The following BTRC variants were observed in gnomAD, a reference collection of about 807,000 sequenced individuals.
The protein encoded by BTRC is beta-transducin repeat containing E3 ubiquitin protein ligase.
A neutral mutation model predicts 85.5 loss-of-function variants in BTRC; 42 were observed. The observed-to-expected ratio is 0.49, with a 90% CI of 0.38 to 0.64. BTRC has a LOEUF of 0.64. BTRC is among the 30% of genes least tolerant of loss of function. The pLI, the probability that BTRC is intolerant of heterozygous loss-of-function variation, is 0.00. For missense variants in BTRC, 594 were observed against 743.5 expected, an observed-to-expected ratio of 0.80 and a Z score of 2.34; for synonymous variants, 255 against 263.3, an observed-to-expected ratio of 0.97 and a Z score of 0.30.
chr10:101,505,125 A>G (rs1946489637), intron 4 of BTRC, among the ~76,000 whole-genome samples: 1 of 5,366 alleles, frequency 1.9e-4, no homozygotes, highest in African/African-American at 2.5e-4. Context: ...ATATATATAT[A>G]TGTGTATATA....
intron 3 of BTRC, among the ~76,000 whole-genome samples, chr10:101,478,721 CAG>C (rs1945756100): frequency 6.7e-6 from 1 of 149,110 alleles, no homozygotes; most frequent in Non-Finnish European, 1.5e-5. Flanking sequence ...GCATAGATTG[CAG>C]AGAGCCAAGA....
intron 1 of BTRC, among the ~76,000 whole-genome samples, chr10:101,375,737 A>G (rs1161949107): frequency 6.6e-6 from 1 of 152,238 alleles, no homozygotes; most frequent in Non-Finnish European, 1.5e-5. Context: ...TTTACCCTGT[A>G]TAGGAATTAT....
intron 1 of BTRC, among the ~76,000 whole-genome samples, chr10:101,396,558 G>A (rs544281352): frequency 1.3e-5 from 2 of 151,720 alleles, no homozygotes; most frequent in African/African-American, 4.8e-5. Context: ...GTTGGATTAC[G>A]ACAGCAAAAT....
Position 101,366,851 on chromosome 10 carries a change from AAT to A in BTRC, c.48+12630_48+12631del, listed in dbSNP as rs1418355459. On this transcript the variant is annotated intron_variant, in intron 1 of 14. Transcript: ENST00000370187. The stretch of plus-strand genomic sequence containing the variant: ...ATATTTATATATATTTATGTATATT[AAT>A]ATATATTTATATATTAATATATATT... Among the ~76,000 whole-genome samples, 13 of 25,626 alleles carry A rather than the reference AAT, an allele frequency of 5.1e-4. 1 individual carries two copies. Among genetic ancestry groups the A allele is most frequent in the African/African-American group, 2.5e-3 (13 of 5,198 alleles). The allele number at this position is 25,626 out of a possible 152,430, so 16.8% of individuals were successfully genotyped here. A position where few individuals can be genotyped will look rare whatever the true frequency, so the allele number is the denominator to read the frequency against.
rs2062108112 is a variant in BTRC, at chr10:101,521,672, G to A, written c.358G>A (p.Val120Met). 2 of 1,614,074 alleles carry A rather than the reference G, an allele frequency of 1.2e-6. No individual in the cohort carries two copies. Among genetic ancestry groups the A allele is most frequent in the South Asian group, 1.1e-5 (1 of 91,068 alleles). The change falls in exon 5 of 15, where the codon GTG (valine) becomes ATG (methionine). Residue 120 changes from valine to methionine, a missense_variant. Transcript: ENST00000370187. ...TGCCAATGGCACTTCCAGTATGATTGTGCCCAAGCAACGGAAACTCTCAGC... is the reference window on the plus strand; with the variant it reads ...TGCCAATGGCACTTCCAGTATGATTATGCCCAAGCAACGGAAACTCTCAGC... ...KLANGTSSMI[V>M]PKQRKLSASY...
intron 4 of BTRC, among the ~76,000 whole-genome samples, chr10:101,505,481 G>A (rs1268376081): frequency 9.2e-5 from 14 of 151,552 alleles, no homozygotes; most frequent in Admixed American, 3.3e-4. Context: ...TTAGCCGGGC[G>A]TGGTGGCAGG....
At chr10:101,459,742 T>G (rs769388588) in intron 2 of BTRC, among the ~76,000 whole-genome samples, 1 of 152,196 alleles carries the variant, frequency 6.6e-6, no homozygotes, top group Non-Finnish European at 1.5e-5. Context: ...TTTTCATTCT[T>G]TAGACATTTT....
At chr10:101,523,206 AAAATAAATAAAT>A (rs527889719) in intron 5 of BTRC, among the ~76,000 whole-genome samples, 8 of 152,172 alleles carry the variant, frequency 5.3e-5, no homozygotes, top group Admixed American at 5.2e-4. Context: ...TCCATCTCAG[AAAATAAATAAAT>A]AAATAAATAG....
At chr10:101,425,456 A>G (rs1203077863) in intron 1 of BTRC, among the ~76,000 whole-genome samples, 3 of 152,126 alleles carry the variant, frequency 2.0e-5, no homozygotes, top group East Asian at 1.9e-4. Context: ...AGAAACTAAT[A>G]TGTGCTGTGC....
intron 4 of BTRC, among the ~76,000 whole-genome samples, chr10:101,500,511 G>T (rs1022316732): frequency 1.3e-5 from 2 of 152,108 alleles, no homozygotes; most frequent in Admixed American, 6.5e-5. Context: ...TTAATAAAGA[G>T]ATAGATTCAT....
At chr10:101,475,310 C>T (rs1400599849) in intron 3 of BTRC, among the ~76,000 whole-genome samples, 1 of 152,170 alleles carries the variant, frequency 6.6e-6, no homozygotes, top group Non-Finnish European at 1.5e-5. Context: ...GAGGCCAAGG[C>T]AGGTGGATCA....
At chr10:101,472,275 C>CACTCTTCTCTTCTCTTCTCT (rs1945546340) in intron 3 of BTRC, among the ~76,000 whole-genome samples, 1 of 114,244 alleles carries the variant, frequency 8.8e-6, no homozygotes. Flanking sequence ...TTTTCTTTTC[C>CACTCTTCTCTTCTCTTCTCT]TCTCTTCTCT....
intron 3 of BTRC, among the ~76,000 whole-genome samples, chr10:101,465,913 A>G (rs1025891188): frequency 1.3e-5 from 2 of 152,226 alleles, no homozygotes; most frequent in Non-Finnish European, 2.9e-5. Flanking sequence ...TTGGCATTAA[A>G]TATGAACTTT....
intron 1 of BTRC, among the ~76,000 whole-genome samples, chr10:101,426,589 G>A (rs1470612747): frequency 6.6e-6 from 1 of 152,138 alleles, no homozygotes; most frequent in African/African-American, 2.4e-5. Flanking sequence ...ATAAATGAAT[G>A]AGGAAGTGTG....
At chr10:101,402,096 C>G (rs972161638) in intron 1 of BTRC, among the ~76,000 whole-genome samples, 9 of 152,082 alleles carry the variant, frequency 5.9e-5, no homozygotes, top group Admixed American at 3.9e-4. Context: ...ATTCTAGTCT[C>G]TCTGGTAAAT....
chr10:101,360,579 C>T (rs1942176693), intron 1 of BTRC, among the ~76,000 whole-genome samples: 1 of 151,908 alleles, frequency 6.6e-6, no homozygotes, highest in Admixed American at 6.6e-5. Context: ...CCATGTTGGC[C>T]AGGCTATTCT....
At chr10:101,540,429 A>T (rs1475776740) in intron 13 of BTRC, among the ~76,000 whole-genome samples, 1 of 152,128 alleles carries the variant, frequency 6.6e-6, no homozygotes, top group Non-Finnish European at 1.5e-5. Context: ...AATTGACCAT[A>T]TATGTGTGAG....
At chr10:101,487,085 T>C (rs1267721923) in intron 4 of BTRC, among the ~76,000 whole-genome samples, 4 of 152,210 alleles carry the variant, frequency 2.6e-5, no homozygotes, top group Admixed American at 1.3e-4. Context: ...AGTAATAAAA[T>C]TTCTGTTTTG....
chr10:101,550,263 C>T (rs1453845322), intron 13 of BTRC, among the ~76,000 whole-genome samples: 1 of 151,740 alleles, frequency 6.6e-6, no homozygotes, highest in Non-Finnish European at 1.5e-5. Flanking sequence ...TAAATTTTCT[C>T]TATTTTTTTA....
Sources: allele counts gnomAD v4.1 joint callset (sites outside exome capture counted in the v4.1 genomes callset), GRCh38; gene constraint gnomAD v4.1.1; transcripts MANE v1.5; gene names NCBI Gene and HGNC (gene_info 2026-07-23, HGNC 2026-07-21).